Variants in ERBB4 observed in about 807,000 individuals in gnomAD.
ERBB4 encodes the protein receptor tyrosine-protein kinase erbB-4.
ERBB4 carries 42 observed loss-of-function variants against 158.0 expected under a neutral mutation model. The observed-to-expected ratio is 0.27, with a 90% confidence interval of 0.21 to 0.34. The LOEUF (loss-of-function observed/expected upper bound fraction) is 0.34, where lower values mean the gene tolerates loss of function less well. ERBB4 is among the 10% of genes least tolerant of loss of function. ERBB4 has a pLI of 1.00. For synonymous variants in ERBB4, 583 were observed against 558.7 expected (o/e 1.04, Z -0.61); for missense variants, 1,333 against 1,624.1 (o/e 0.82, Z 3.08).
At chr2:211,866,174 C>T (rs988712453) in intron 3 of ERBB4, among the ~76,000 whole-genome samples, 1 of 152,064 alleles carries the variant, frequency 6.6e-6, no homozygotes, top group African/African-American at 2.4e-5. Context: ...TCGCCTGTAC[C>T]CGGGAGGCGG....
chr2:211,529,993 C>G (rs1488407601), intron 20 of ERBB4, among the ~76,000 whole-genome samples: 6 of 151,954 alleles, frequency 3.9e-5, no homozygotes, highest in African/African-American at 1.4e-4. Context: ...AAGTGGATAT[C>G]TGAATAGAGG....
intron 1 of ERBB4, among the ~76,000 whole-genome samples, chr2:212,193,611 C>A (rs2082339496): frequency 6.6e-6 from 1 of 151,652 alleles, no homozygotes; most frequent in Non-Finnish European, 1.5e-5. Context: ...ACTCTTAGAA[C>A]ACTATAATTG....
intron 3 of ERBB4, among the ~76,000 whole-genome samples, chr2:211,920,732 T>C (rs893931467): frequency 2.7e-5 from 4 of 150,138 alleles, no homozygotes; most frequent in Non-Finnish European, 4.5e-5. Flanking sequence ...TTTTTTACAG[T>C]GTTCTGGCTG....
At chr2:212,294,855 G>A (rs966977680) in intron 1 of ERBB4, among the ~76,000 whole-genome samples, 6 of 152,112 alleles carry the variant, frequency 3.9e-5, no homozygotes, top group Non-Finnish European at 8.8e-5. Context: ...GCAAATGACT[G>A]TAGGGGGTTT....
At chr2:212,232,985 A>C (rs939525221) in intron 1 of ERBB4, among the ~76,000 whole-genome samples, 13 of 152,204 alleles carry the variant, frequency 8.5e-5, no homozygotes, top group Non-Finnish European at 1.5e-4. Flanking sequence ...ATTGGAAGAG[A>C]TCTTCAGGGC....
At chr2:211,610,657 A>G (rs2069160064) in intron 19 of ERBB4, among the ~76,000 whole-genome samples, 1 of 152,172 alleles carries the variant, frequency 6.6e-6, no homozygotes, top group Non-Finnish European at 1.5e-5. Context: ...TTTCAGCCCT[A>G]TGTGGCATCA....
chr2:211,745,715 G>GGAA (rs1553623570), intron 5 of ERBB4, among the ~76,000 whole-genome samples: 41 of 94,458 alleles, frequency 4.3e-4, no homozygotes, highest in African/African-American at 1.3e-3. Context: ...TCCACCGCCA[G>GGAA]AAAAAAAACA....
chr2:211,647,830 A>T (rs1461795278), intron 16 of ERBB4, among the ~76,000 whole-genome samples: 1 of 151,718 alleles, frequency 6.6e-6, no homozygotes, highest in East Asian at 1.9e-4. Flanking sequence ...CCCAATCAGC[A>T]TATGGACTCA....
intron 3 of ERBB4, among the ~76,000 whole-genome samples, chr2:211,932,259 T>C (rs568161263): frequency 2.7e-4 from 41 of 152,140 alleles, no homozygotes; most frequent in African/African-American, 9.4e-4. Context: ...TGAGCTCTGT[T>C]TTTATCACTT....
rs2125311214 is a variant in ERBB4 at position 211,383,925 on chromosome 2, G to A, written c.3617C>T (p.Pro1206Leu). The change falls in exon 28 of 28, where the codon CCA becomes CTA. Residue 1206 changes from proline to leucine, a missense_variant. By Grantham distance (98) the Pro-to-Leu change is moderately conservative (BLOSUM62 -3). Around this residue, in one of 5 missense-constraint regions of ERBB4, gnomAD observed 252 missense variants for 241.3 expected, o/e 1.04. Coordinates refer to ENST00000342788, the MANE Select transcript of ERBB4 (RefSeq NM_005235.3). ...PKAEDEYVNE[P>L]LYLNTFANTL... ...GTTGGCAAAGGTGTTGAGGTACAGTGGCTCATTCACATACTCATCCTCGGC... is the reference window on the plus strand; with the variant it reads ...GTTGGCAAAGGTGTTGAGGTACAGTAGCTCATTCACATACTCATCCTCGGC... 6.2e-7 allele frequency: 1 copy of A among 1,614,018 alleles called. No individual in the cohort carries two copies. The highest frequency in any genetic ancestry group is 1.3e-5 in the African/African-American group (1 of 74,972).
At chr2:211,863,096 T>G (rs1002045198) in intron 3 of ERBB4, among the ~76,000 whole-genome samples, 1 of 148,128 alleles carries the variant, frequency 6.8e-6, no homozygotes, top group African/African-American at 2.7e-5. Flanking sequence ...AGCTAAAGGA[T>G]TGTAAATGCA....
intron 12 of ERBB4, among the ~76,000 whole-genome samples, chr2:211,684,145 G>T (rs573437176): frequency 1.3e-5 from 2 of 152,042 alleles, no homozygotes; most frequent in South Asian, 4.2e-4. Context: ...AAGATGGGAG[G>T]GGGAGAAATG....
At chr2:212,453,230 C>G (rs1036797780) in intron 1 of ERBB4, among the ~76,000 whole-genome samples, 1 of 152,138 alleles carries the variant, frequency 6.6e-6, no homozygotes, top group Non-Finnish European at 1.5e-5. Context: ...TCCCCTTACC[C>G]CCTCCGCATA....
chr2:212,325,357 A>C (rs917911414), intron 1 of ERBB4, among the ~76,000 whole-genome samples: 24 of 150,578 alleles, frequency 1.6e-4, no homozygotes, highest in African/African-American at 5.3e-4. Context: ...CTCTACAGTG[A>C]ATGAATTGTT....
At chr2:212,299,519 C>T (rs1413655292) in intron 1 of ERBB4, among the ~76,000 whole-genome samples, 1 of 151,510 alleles carries the variant, frequency 6.6e-6, no homozygotes, top group Non-Finnish European at 1.5e-5. Context: ...GAGTGTCGAC[C>T]ATGTAAAAGG....
intron 20 of ERBB4, among the ~76,000 whole-genome samples, chr2:211,470,052 A>G (rs1335820303): frequency 6.6e-6 from 1 of 152,074 alleles, no homozygotes; most frequent in Non-Finnish European, 1.5e-5. Context: ...TTAAAATATA[A>G]AAGACTTATA....
In ERBB4 at chr2:211,841,696, C is replaced by G. The variant is rs190548596; in HGVS notation, c.422-53537G>C. Among the ~76,000 whole-genome samples, 26 of 151,742 alleles carry G rather than the reference C, an allele frequency of 1.7e-4. No homozygotes were observed. The East Asian group carries it at 4.6e-3, about 27-fold the overall frequency. Reference sequence around the variant, plus strand: ...AACAATTAGAATATTTAATATGAGGCCTTCAAAAATATTTTCCTTAAATGA... The same window carrying G: ...AACAATTAGAATATTTAATATGAGGGCTTCAAAAATATTTTCCTTAAATGA... On this transcript the variant is annotated intron_variant, in intron 3 of 27. Coordinates refer to ENST00000342788, the MANE Select transcript of ERBB4 (RefSeq NM_005235.3).
intron 1 of ERBB4, among the ~76,000 whole-genome samples, chr2:212,223,140 T>C (rs547670238): frequency 6.6e-6 from 1 of 151,544 alleles, no homozygotes; most frequent in African/African-American, 2.4e-5. Flanking sequence ...ATTATTTATC[T>C]GAAAATCTAA....
chr2:211,891,463 C>G (rs1363869331), intron 3 of ERBB4, among the ~76,000 whole-genome samples: 111 of 106,038 alleles, frequency 1.0e-3, no homozygotes, highest in Middle Eastern at 4.1e-3. Flanking sequence ...AGGGAAGATC[C>G]AAAATTGACA....
Sources: gnomAD v4.1 joint callset for allele counts (sites outside exome capture counted in the v4.1 genomes callset) on GRCh38, gnomAD v4.1.1 for gene constraint, gnomAD v4.1.1 regional missense constraint, MANE v1.5 for transcripts, NCBI Gene and HGNC (gene_info 2026-07-23, HGNC 2026-07-21) for gene names.